Variants in OPHN1 observed in about 807,000 individuals in gnomAD.
The protein encoded by OPHN1 is oligophrenin 1, also known as oligophrenin-1.
OPHN1 carries 11 observed loss-of-function variants against 60.7 expected under a neutral mutation model. That is an observed-to-expected ratio of 0.18 (90% CI 0.11 to 0.30). The LOEUF is 0.30. Ranked by LOEUF, OPHN1 falls within the 10% of genes least tolerant of loss-of-function variation. The pLI is 1.00. For synonymous variants in OPHN1, 226 were observed against 222.6 expected (o/e 1.02, Z -0.14); for missense variants, 449 against 611.0 (o/e 0.73, Z 2.80).
chrX:68,122,397 T>G (rs2077154240), intron 15 of OPHN1, among the ~76,000 whole-genome samples: 1 of 111,103 alleles, frequency 9.0e-6, no homozygotes, highest in South Asian at 3.8e-4. Flanking sequence ...AAGCCCAGAC[T>G]AAAAAGACTA....
intron 15 of OPHN1, among the ~76,000 whole-genome samples, chrX:68,122,349 A>G (rs2077153959): frequency 9.0e-6 from 1 of 111,114 alleles, no homozygotes; most frequent in Non-Finnish European, 1.9e-5. Context: ...GTCCTTTCAA[A>G]TATCTGGAAA....
intron 15 of OPHN1, among the ~76,000 whole-genome samples, chrX:68,138,470 G>A (rs931391566): frequency 1.8e-5 from 2 of 111,843 alleles, no homozygotes; most frequent in African/African-American, 3.3e-5. Context: ...TTCATGTATT[G>A]TATGACTATA....
intron 20 of OPHN1, chrX:68,070,619 T>C (rs879028747): frequency 2.8e-6 from 2 of 708,563 alleles, no homozygotes; most frequent in African/African-American, 2.1e-5. Flanking sequence ...TTTTATCCTC[T>C]GTGTTCCATT....
chrX:68,074,532 T>C (rs1462465717), intron 19 of OPHN1, among the ~76,000 whole-genome samples: 3 of 111,478 alleles, frequency 2.7e-5, no homozygotes, highest in Non-Finnish European at 5.6e-5. Context: ...GTCGTTGCAC[T>C]GACTGTTTCT....
chrX:68,161,057 G>A (rs774072718), intron 15 of OPHN1, among the ~76,000 whole-genome samples: 6 of 110,464 alleles, frequency 5.4e-5, no homozygotes, highest in East Asian at 2.8e-4. Context: ...AATCAGGAAC[G>A]AAAAAGAGAA....
intron 15 of OPHN1, among the ~76,000 whole-genome samples, chrX:68,161,790 G>T (rs1390714987): frequency 9.0e-6 from 1 of 111,120 alleles, no homozygotes; most frequent in Non-Finnish European, 1.9e-5. Flanking sequence ...ACTTATAAAA[G>T]TCAAAACACC....
At chrX:68,109,101 T>C (rs1488252845) in intron 18 of OPHN1, among the ~76,000 whole-genome samples, 2 of 111,309 alleles carry the variant, frequency 1.8e-5, no homozygotes, top group Admixed American at 9.6e-5. Context: ...TCACCCCTTA[T>C]ATAATTCCAG....
At position 68,194,265 on chromosome X, in the gene OPHN1, C is replaced by T. The variant is rs145938481; in HGVS notation, c.1138+200G>A. On this transcript the variant is annotated intron_variant, in intron 13 of 24. Transcript: ENST00000355520. ...CAGGAAGGATATGTTTCTCTACCCA[C>T]GATGTAAGCTAACACCAAGTGTCTA... Among the ~76,000 whole-genome samples, 687 of 112,436 alleles carry T rather than the reference C, an allele frequency of 6.1e-3. 8 individuals are homozygous for T. Among genetic ancestry groups the T allele is most frequent in the African/African-American group, 0.021 (650 of 30,964 alleles).
At chrX:68,413,837 C>T (rs1035672406) in intron 2 of OPHN1, among the ~76,000 whole-genome samples, 3 of 111,786 alleles carry the variant, frequency 2.7e-5, no homozygotes, top group Non-Finnish European at 3.8e-5. Context: ...GCATCTTTAA[C>T]CTACTCTCTT....
intron 2 of OPHN1, among the ~76,000 whole-genome samples, chrX:68,345,178 A>G (rs1198211720): frequency 8.9e-6 from 1 of 112,427 alleles, no homozygotes; most frequent in Non-Finnish European, 1.9e-5. Context: ...GAGATCACAC[A>G]GCTGGCAAAT....
Position 68,133,896 on chromosome X carries a change from C to T in OPHN1, c.1277-14564G>A, listed in dbSNP as rs746982208. 5.4e-5 allele frequency among the ~76,000 whole-genome samples: 6 copies of T among 111,319 alleles called. No individual in the cohort carries two copies. The South Asian group carries it at 2.3e-3, about 42-fold the overall frequency. On this transcript the variant is annotated intron_variant, in intron 15 of 24. Transcript: ENST00000355520. ...TTATGGTTAAAAACATTTGCTTGGCCGGGCGCTGTGGCTCACGCTTGTAAT... is the reference window on the plus strand; with the variant it reads ...TTATGGTTAAAAACATTTGCTTGGCTGGGCGCTGTGGCTCACGCTTGTAAT...
intron 2 of OPHN1, among the ~76,000 whole-genome samples, chrX:68,349,457 G>T (rs1212165620): frequency 8.9e-6 from 1 of 112,088 alleles, no homozygotes; most frequent in Non-Finnish European, 1.9e-5. Context: ...TACACTGTTG[G>T]TGGGAGTGTA....
At chrX:68,285,363 A>C (rs754943939) in intron 3 of OPHN1, among the ~76,000 whole-genome samples, 2 of 111,923 alleles carry the variant, frequency 1.8e-5, no homozygotes, top group African/African-American at 6.5e-5. Flanking sequence ...TTGAAGCTAC[A>C]AATTTCCTTC....
intron 2 of OPHN1, among the ~76,000 whole-genome samples, chrX:68,360,011 G>T (rs765986915): frequency 2.5e-4 from 28 of 110,802 alleles, no homozygotes; most frequent in African/African-American, 8.2e-4. Flanking sequence ...TTGTAAAATG[G>T]TCATCCTAAC....
intron 15 of OPHN1, among the ~76,000 whole-genome samples, chrX:68,131,193 TA>T (rs2077193027): frequency 3.1e-5 from 2 of 63,498 alleles, no homozygotes; most frequent in African/African-American, 4.6e-5. Flanking sequence ...AGAACACTTT[TA>T]TTTATTTATT....
At chrX:68,431,480 G>A (rs753247357) in intron 2 of OPHN1, among the ~76,000 whole-genome samples, 2 of 112,014 alleles carry the variant, frequency 1.8e-5, no homozygotes, top group African/African-American at 3.2e-5. Context: ...GCAATGGCAC[G>A]GTCTCGGCTC....
intron 19 of OPHN1, among the ~76,000 whole-genome samples, chrX:68,076,195 A>G (rs2076952987): frequency 9.0e-6 from 1 of 111,317 alleles, no homozygotes; most frequent in Non-Finnish European, 1.9e-5. Context: ...CAAAGAAAAC[A>G]TACAAATGGC....
intron 6 of OPHN1, among the ~76,000 whole-genome samples, chrX:68,228,851 C>A (rs2077711595): frequency 9.0e-6 from 1 of 110,551 alleles, no homozygotes; most frequent in Admixed American, 9.7e-5. Flanking sequence ...AAAACTGGCA[C>A]AAGACAGGGA....
At chrX:68,106,105 A>G (rs1203162160) in intron 18 of OPHN1, among the ~76,000 whole-genome samples, 8 of 64,415 alleles carry the variant, frequency 1.2e-4, no homozygotes, top group Non-Finnish European at 2.5e-5. Context: ...GAGAGAGAGA[A>G]GAGAGAGAGA....
Sources: allele counts gnomAD v4.1 joint callset (sites outside exome capture counted in the v4.1 genomes callset), GRCh38; gene constraint gnomAD v4.1.1; transcripts MANE v1.5; gene names NCBI Gene and HGNC (gene_info 2026-07-23, HGNC 2026-07-21).